The following CWC27 variants were observed in gnomAD, a reference collection of about 807,000 sequenced individuals.
CWC27 encodes spliceosome-associated protein CWC27 homolog.
In CWC27, 47 loss-of-function variants were observed where a neutral mutation model predicts 63.6. That is an observed-to-expected ratio of 0.74 (90% CI 0.58 to 0.94). The LOEUF (loss-of-function observed/expected upper bound fraction) is 0.94, where lower values mean the gene tolerates loss of function less well. Ranked by LOEUF, CWC27 falls within the 40% of genes least tolerant of loss-of-function variation. The probability of loss-of-function intolerance (pLI) is 0.00; values close to 1 mark genes in which losing one functional copy is unlikely to be tolerated. For missense variants in CWC27, 495 were observed against 554.3 expected (o/e 0.89, Z 1.07); for synonymous variants, 175 against 179.8 (o/e 0.97, Z 0.22).
At chr5:64,785,454 A>C in intron 4 of CWC27, 27 bp from the exon 5 acceptor site, 2 of 1,126,668 alleles carry the variant, frequency 1.8e-6, no homozygotes, top group Non-Finnish European at 2.4e-6. Context: ...AATAATTTTC[A>C]ATTACATTAT....
chr5:64,853,325 C>T (rs1057001555), intron 10 of CWC27, among the ~76,000 whole-genome samples: 4 of 152,128 alleles, frequency 2.6e-5, no homozygotes, highest in African/African-American at 4.8e-5. Context: ...CAAAACTTCT[C>T]GACCCTATTT....
intron 11 of CWC27, among the ~76,000 whole-genome samples, chr5:64,951,273 T>C (rs1267264855): frequency 6.6e-6 from 1 of 151,908 alleles, no homozygotes; most frequent in Non-Finnish European, 1.5e-5. Flanking sequence ...TTCTAAGGAA[T>C]GTATAATGGT....
intron 10 of CWC27, among the ~76,000 whole-genome samples, chr5:64,813,051 T>G (rs559547116): frequency 2.0e-5 from 3 of 152,278 alleles, no homozygotes; most frequent in Admixed American, 2.0e-4. Context: ...TTTTTGGAGC[T>G]ACTATTTAAA....
chr5:64,959,711 C>A (rs910521549), intron 11 of CWC27, among the ~76,000 whole-genome samples: 1 of 152,194 alleles, frequency 6.6e-6, no homozygotes, highest in African/African-American at 2.4e-5. Flanking sequence ...CCCTAAGGCC[C>A]TACAAGTCCC....
chr5:64,866,747 A>C (rs953721718), intron 10 of CWC27, among the ~76,000 whole-genome samples: 1 of 152,062 alleles, frequency 6.6e-6, no homozygotes, highest in Admixed American at 6.6e-5. Flanking sequence ...ATTTCATTCC[A>C]TGTGGTTGGA....
At chr5:64,963,441 T>C (rs965408179) in intron 11 of CWC27, among the ~76,000 whole-genome samples, 1 of 152,178 alleles carries the variant, frequency 6.6e-6, no homozygotes, top group African/African-American at 2.4e-5. Flanking sequence ...AGAGAATTAG[T>C]GAACTGAAAT....
At chr5:65,012,298 G>A (rs1382195706) in intron 13 of CWC27, among the ~76,000 whole-genome samples, 6 of 152,094 alleles carry the variant, frequency 3.9e-5, no homozygotes, top group Non-Finnish European at 7.4e-5. Context: ...CAAGTTTCTC[G>A]ACCCTCAGTC....
chr5:64,803,183 G>C (rs902407794), intron 9 of CWC27, among the ~76,000 whole-genome samples: 3 of 152,194 alleles, frequency 2.0e-5, no homozygotes, highest in Admixed American at 1.3e-4. Flanking sequence ...TTGAGGACCA[G>C]TGCTTTAGGG....
intron 13 of CWC27, among the ~76,000 whole-genome samples, chr5:64,994,529 AGTT>A (rs941363712): frequency 3.9e-5 from 6 of 152,218 alleles, no homozygotes; most frequent in African/African-American, 9.6e-5. Flanking sequence ...GACAGCACAC[AGTT>A]GTTATCTGTT....
At chr5:64,769,480 C>A (rs887125993) in intron 1 of CWC27, among the ~76,000 whole-genome samples, 3 of 152,172 alleles carry the variant, frequency 2.0e-5, no homozygotes, top group Admixed American at 2.0e-4. Context: ...TTTAAACAGA[C>A]ATTTTTGAGT....
At position 64,977,226 on chromosome 5, in the gene CWC27, A is replaced by T. The variant is rs750797592; in HGVS notation, c.1244A>T (p.Asp415Val). Residue 415 changes from aspartate to valine, a missense_variant, in exon 13 of 14, where the codon GAT (aspartate) becomes GTT (valine). Physicochemically the swap from Asp to Val is radical, Grantham distance 152. Transcript: ENST00000381070. ...ENDIPETEVE[D>V]DEGWMSHVLQ... is the part of the protein sequence containing the mutation. ...GACATTCCTGAAACAGAAGTAGAAGATGATGAAGGATGGTAAGGGCTTTGA... is the reference window on the plus strand; with the variant it reads ...GACATTCCTGAAACAGAAGTAGAAGTTGATGAAGGATGGTAAGGGCTTTGA... 18 of 1,606,102 alleles carry T rather than the reference A, an allele frequency of 1.1e-5. No individual in the cohort carries two copies. In the East Asian group the frequency reaches 4.0e-4, roughly 36 times the overall value.
chr5:65,015,591 C>A (rs1324914594), intron 13 of CWC27, among the ~76,000 whole-genome samples: 1 of 152,142 alleles, frequency 6.6e-6, no homozygotes, highest in Non-Finnish European at 1.5e-5. Flanking sequence ...ACAGTCCTAC[C>A]ATTCTTCTGC....
At chr5:64,771,377 C>T (rs1025151698) in intron 1 of CWC27, among the ~76,000 whole-genome samples, 1 of 152,182 alleles carries the variant, frequency 6.6e-6, no homozygotes, top group Non-Finnish European at 1.5e-5. Context: ...AACTTAGTAT[C>T]AGCTTGGGAA....
chr5:64,806,979 G>A (rs1744700123), intron 10 of CWC27, among the ~76,000 whole-genome samples: 1 of 152,168 alleles, frequency 6.6e-6, no homozygotes, highest in African/African-American at 2.4e-5. Flanking sequence ...CGTGGTAAAA[G>A]GGATAATTAT....
intron 12 of CWC27, among the ~76,000 whole-genome samples, chr5:64,975,210 T>C (rs754748379): frequency 1.3e-5 from 2 of 152,230 alleles, no homozygotes; most frequent in Non-Finnish European, 2.9e-5. Context: ...TTCTTGCAGT[T>C]ATTTTGACAC....
intron 10 of CWC27, among the ~76,000 whole-genome samples, chr5:64,867,024 T>A (rs1438283935): frequency 6.6e-6 from 1 of 152,094 alleles, no homozygotes; most frequent in South Asian, 2.1e-4. Flanking sequence ...GGATTATGGA[T>A]ATATATAATT....
At chr5:64,902,900 T>G (rs916497759) in intron 11 of CWC27, among the ~76,000 whole-genome samples, 1 of 152,268 alleles carries the variant, frequency 6.6e-6, no homozygotes, top group Admixed American at 6.5e-5. Context: ...CCCTGAGCAC[T>G]GTTTTGTAGT....
Position 64,788,966 on chromosome 5 carries a change from T to G in CWC27, c.615T>G (p.Leu205=), listed in dbSNP as rs1580599461. 1.4e-5 allele frequency: 22 copies of G among 1,593,446 alleles called. No individual in the cohort carries two copies. Among genetic ancestry groups the G allele is most frequent in the Non-Finnish European group, 1.6e-5 (19 of 1,171,748 alleles). ...TTTGGACTAGAAATTTTAGTTTACT[T>G]TCATTTGGAGAGGAAGCTGAGGAAG... is the stretch of plus-strand genomic sequence containing the variant. The part of the protein sequence containing the change: ...KPKGTKNFSL[L]SFGEEAEEEE... Residue 205 remains leucine, a synonymous_variant, in exon 7 of 14, where the codon CTT becomes CTG. Transcript: ENST00000381070.
chr5:65,006,085 T>TA (rs150847390), intron 13 of CWC27, among the ~76,000 whole-genome samples: 8,333 of 152,216 alleles, frequency 0.055, 549 homozygotes, highest in African/African-American at 0.15. Context: ...TGCTTGTGAT[T>TA]TCTTAACATT....
Sources: allele counts gnomAD v4.1 joint callset (sites outside exome capture counted in the v4.1 genomes callset), GRCh38; gene constraint gnomAD v4.1.1; transcripts MANE v1.5; gene names NCBI Gene and HGNC (gene_info 2026-07-23, HGNC 2026-07-21).